Variants in DEFB128 observed in about 807,000 individuals in gnomAD.
The protein encoded by DEFB128 is beta-defensin 128.
DEFB128 carries 1 observed loss-of-function variant against 2.4 expected under a neutral mutation model. That is an observed-to-expected ratio of 0.41 (90% CI 0.15 to 1.96). The LOEUF is 1.96. Ranked by LOEUF, DEFB128 falls within the 30% of genes most tolerant of loss-of-function variation. DEFB128 has a pLI of 0.30. For missense variants in DEFB128, 129 were observed against 104.9 expected (o/e 1.23, Z -1.00); for synonymous variants, 59 against 39.1 (o/e 1.51, Z -1.89).
In DEFB128 at chr20:189,443, CA is replaced by C. The variant is rs1481539221; in HGVS notation, c.49+131del. The C allele has an allele frequency of 3.0e-6, 3 of 989,234 alleles. No individual in the cohort carries two copies. The African/African-American group carries it at 4.8e-5, about 16-fold the overall frequency. 61.3% of individuals were successfully genotyped at this position (989,234 alleles called of 1,614,324 possible). On this transcript the variant is annotated intron_variant, in intron 1 of 1. Transcript: ENST00000334391. ...GTGCCTCTCTTCTAAGGCATAGACT[CA>C]AGTCAGGCAACCAGGAGAATGGGTA...
chr20:187,972 T>C lies in DEFB128; in HGVS notation c.196A>G (p.Lys66Glu). Reference protein sequence around the residue: ...DEEEKKHVSFKKPHQHSGEKL... With the variant: ...DEEEKKHVSFEKPHQHSGEKL... ...TCACCAGAATGTTGATGTGGCTTCT[T>C]AAATGACACATGTTTTTTCTCTTCT... is the stretch of plus-strand genomic sequence containing the variant. Residue 66 changes from lysine (K) to glutamate (E), a missense_variant, in exon 2 of 2, where the codon AAG (lysine) becomes GAG (glutamate). Physicochemically the swap from Lys to Glu is moderately conservative, Grantham distance 56. Coordinates refer to ENST00000334391, the MANE Select transcript of DEFB128 (RefSeq NM_001037732.3). 1.2e-6 allele frequency: 2 copies of C among 1,613,934 alleles called. No individual in the cohort carries two copies. The highest frequency in any genetic ancestry group is 1.7e-6 in the Non-Finnish European group (2 of 1,179,920).
chr20:189,653 G>A lies in DEFB128; in HGVS notation c.-30C>T. The A allele has an allele frequency of 6.2e-7, 1 of 1,613,176 alleles. No individual in the cohort carries two copies. Among genetic ancestry groups the A allele is most frequent in the Non-Finnish European group, 8.5e-7 (1 of 1,179,312 alleles). ...ACAGACTTCCCAAGAGAAAGAGGCA[G>A]CAGAACTTTGTCCAGTGGTCTGTGT... On this transcript the variant is annotated 5_prime_UTR_variant, in exon 1 of 2. Transcript: ENST00000334391.
In DEFB128 at chr20:188,050, C is replaced by T. The variant is rs866694298; in HGVS notation, c.118G>A (p.Glu40Lys). Residue 40 changes from glutamate to lysine, a missense_variant, in exon 2 of 2, where the codon GAA becomes AAA. Coordinates refer to ENST00000334391, the MANE Select transcript of DEFB128 (RefSeq NM_001037732.3). ...CTTAGACATCCTATTTCATATCTTTCTCCTACCTTGCATTTCTTCCTGCAA... is the reference window on the plus strand; with the variant it reads ...CTTAGACATCCTATTTCATATCTTTTTCCTACCTTGCATTTCTTCCTGCAA... ...GYCRKKCKVG[E>K]RYEIGCLSGK... The T allele has an allele frequency of 2.5e-6, 4 of 1,614,102 alleles. No homozygotes were observed. Among genetic ancestry groups the T allele is most frequent in the Non-Finnish European group, 3.4e-6 (4 of 1,179,964 alleles).
chr20:188,180 T>G, intron 1 of DEFB128, 62 bp from the exon 2 acceptor site: 1 of 1,501,728 alleles, frequency 6.7e-7, no homozygotes, highest in Non-Finnish European at 9.2e-7. Context: ...AAGAGGTAGG[T>G]ATGTGGTTCC....
intron 1 of DEFB128, among the ~76,000 whole-genome samples, chr20:188,899 AAG>A (rs146086382): frequency 6.6e-6 from 1 of 152,306 alleles, no homozygotes; most frequent in African/African-American, 2.4e-5. Flanking sequence ...AAGGTTGGAG[AAG>A]AGAGACATAC....
rs1484117599 is a variant in DEFB128 at position 189,559 on chromosome 20, C to T, written c.49+16G>A. 6.2e-7 allele frequency: 1 copy of T among 1,612,026 alleles called. No individual in the cohort carries two copies. The highest frequency in any genetic ancestry group is 8.5e-7 in the Non-Finnish European group (1 of 1,178,200). Reference sequence around the variant, plus strand: ...TAATATCTCTTAGGATGTTATAGTACATTTGGACAAGTTACCTGTGAGTAC... The same window carrying T: ...TAATATCTCTTAGGATGTTATAGTATATTTGGACAAGTTACCTGTGAGTAC... On this transcript the variant is annotated intron_variant, in intron 1 of 1. Coordinates refer to ENST00000334391, the MANE Select transcript of DEFB128 (RefSeq NM_001037732.3).
rs2011113560 is a variant in DEFB128 at position 188,126 on chromosome 20, T to C, written c.50-8A>G. 3 of 1,612,972 alleles carry C rather than the reference T, an allele frequency of 1.9e-6. No individual in the cohort carries two copies. The South Asian group carries it at 3.3e-5, about 18-fold the overall frequency. On this transcript the variant is annotated splice_polypyrimidine_tract_variant and splice_region_variant and intron_variant, in intron 1 of 1. Coordinates refer to ENST00000334391, the MANE Select transcript of DEFB128 (RefSeq NM_001037732.3). ...TTTTGAGTCTTGCCCCGTCTGTGCA[T>C]AGGAAACAACATTGAACCAAGGTTA...
Position 189,636 on chromosome 20 carries a change from C to A in DEFB128, c.-13G>T, listed in dbSNP as rs2011119997. On this transcript the variant is annotated 5_prime_UTR_variant, in exon 1 of 2. Transcript: ENST00000334391. ...GAAACAGCTTCATATTTACAGACTT[C>A]CCAAGAGAAAGAGGCAGCAGAACTT... is the stretch of plus-strand genomic sequence containing the variant. The A allele has an allele frequency of 6.2e-7, 1 of 1,613,728 alleles. No homozygotes were observed. Among genetic ancestry groups the A allele is most frequent in the Admixed American group, 1.7e-5 (1 of 59,984 alleles).
intron 1 of DEFB128, among the ~76,000 whole-genome samples, chr20:189,046 G>A (rs1769304879): frequency 6.6e-6 from 1 of 152,182 alleles, no homozygotes; most frequent in Non-Finnish European, 1.5e-5. Context: ...CTTCTACGAT[G>A]AACTTTGTGC....
At chr20:188,226 A>G (rs1158007647) in intron 1 of DEFB128, 108 bp from the exon 2 acceptor site, 4 of 1,017,982 alleles carry the variant, frequency 3.9e-6, no homozygotes, top group Non-Finnish European at 1.5e-6. Flanking sequence ...CCAAGTGAAC[A>G]TTATGCTGAT....
At position 189,688 on chromosome 20, in the gene DEFB128, C is replaced by A; in HGVS notation, c.-65G>T. On this transcript the variant is annotated 5_prime_UTR_variant, in exon 1 of 2. Transcript: ENST00000334391. ...GTCCAGTGGTCTGTGTGCCACAGGT[C>A]TTTAAAGATGATCCAGAGTTTTGAG... The A allele has an allele frequency of 6.4e-7, 1 of 1,566,980 alleles. No individual in the cohort carries two copies. Among genetic ancestry groups the A allele is most frequent in the South Asian group, 1.1e-5 (1 of 89,490 alleles).
At chr20:188,693 C>A (rs2011115973) in intron 1 of DEFB128, among the ~76,000 whole-genome samples, 1 of 152,222 alleles carries the variant, frequency 6.6e-6, no homozygotes, top group African/African-American at 2.4e-5. Context: ...CTTAACCTGG[C>A]TCCTCCTGTC....
chr20:188,086 C>T lies in DEFB128; in HGVS notation c.82G>A (p.Val28Ile), dbSNP rs765551202. Residue 28 changes from valine to isoleucine, a missense_variant, in exon 2 of 2, where the codon GTA becomes ATA. By Grantham distance (29) the Val-to-Ile change is conservative. Transcript: ENST00000334391. ...CATTTCTTCCTGCAATAGCCTGTTA[C>T]TTTATTGAAGCATTTTTTGAGTCTT... ...GARLKKCFNK[V>I]TGYCRKKCKV... is the part of the protein sequence containing the mutation. 2.5e-6 allele frequency: 4 copies of T among 1,613,998 alleles called. No individual in the cohort carries two copies. The highest frequency in any genetic ancestry group is 1.3e-5 in the African/African-American group (1 of 75,004).
chr20:188,202 G>A, intron 1 of DEFB128, 84 bp from the exon 2 acceptor site: 1 of 1,211,616 alleles, frequency 8.3e-7, no homozygotes, highest in Non-Finnish European at 1.2e-6. Flanking sequence ...CACAAGTCAT[G>A]GCCTCCTATG....
chr20:189,129 G>A (rs1000816591), intron 1 of DEFB128, among the ~76,000 whole-genome samples: 2 of 152,134 alleles, frequency 1.3e-5, no homozygotes, highest in Non-Finnish European at 2.9e-5. Flanking sequence ...CTCCTTCACA[G>A]ATGAGAAAAT....
intron 1 of DEFB128, among the ~76,000 whole-genome samples, chr20:189,122 C>T (rs1207575356): frequency 6.6e-6 from 1 of 152,154 alleles, no homozygotes; most frequent in Non-Finnish European, 1.5e-5. Flanking sequence ...AATTATACTC[C>T]TTCACAGATG....
chr20:189,297 G>A (rs866810956), intron 1 of DEFB128, among the ~76,000 whole-genome samples: 16 of 152,152 alleles, frequency 1.1e-4, no homozygotes, highest in Non-Finnish European at 5.9e-5. Flanking sequence ...GAATGGCCAG[G>A]CTCTCAGGTG....
At position 188,519 on chromosome 20, in the gene DEFB128, A is replaced by T. The variant is rs534740147; in HGVS notation, c.50-401T>A. ...TAACATGTCACCATGTGCACAAGAC[A>T]TGTCACCATTGGCACAACTCAGCCA... On this transcript the variant is annotated intron_variant, in intron 1 of 1. Transcript: ENST00000334391. Among the ~76,000 whole-genome samples the T allele has an allele frequency of 7.9e-5, 12 of 152,328 alleles. No homozygotes were observed. The South Asian group carries it at 2.3e-3, about 29-fold the overall frequency.
chr20:188,317 A>AGTT (rs2011114417), intron 1 of DEFB128, among the ~76,000 whole-genome samples, 199 bp from the exon 2 acceptor site: 1 of 152,218 alleles, frequency 6.6e-6, no homozygotes, highest in Admixed American at 6.5e-5. Flanking sequence ...GCCAATGTCC[A>AGTT]GTTGCCTCTG....
Sources: gnomAD v4.1 joint callset for allele counts (sites outside exome capture counted in the v4.1 genomes callset) on GRCh38, gnomAD v4.1.1 for gene constraint, MANE v1.5 for transcripts, NCBI Gene and HGNC (gene_info 2026-07-23, HGNC 2026-07-21) for gene names.